Variants in ZC3H18 observed in about 807,000 individuals in gnomAD.
The protein encoded by ZC3H18 is zinc finger CCCH domain-containing protein 18.
ZC3H18 carries 8 observed loss-of-function variants against 106.1 expected under a neutral mutation model. The ratio of observed to expected loss-of-function variants is 0.08; its 90% confidence interval spans 0.04 to 0.14. The LOEUF (loss-of-function observed/expected upper bound fraction) is 0.14, where lower values mean the gene tolerates loss of function less well. Among genes scored for constraint, ZC3H18 ranks in the 10% least tolerant of loss-of-function variants. The probability of loss-of-function intolerance (pLI) is 1.00; values close to 1 mark genes in which losing one functional copy is unlikely to be tolerated. For synonymous variants in ZC3H18, 635 were observed against 522.1 expected, an observed-to-expected ratio of 1.22 and a Z score of -2.95; for missense variants, 1,318 against 1,278.4, an observed-to-expected ratio of 1.03 and a Z score of -0.47.
intron 6 of ZC3H18, among the ~76,000 whole-genome samples, chr16:88,600,715 T>C (rs1047182867): frequency 6.6e-6 from 1 of 152,220 alleles, no homozygotes; most frequent in Non-Finnish European, 1.5e-5. Flanking sequence ...ACCCAGCCCC[T>C]TTATGCCTGG....
At chr16:88,591,706 G>T (rs1915761751) in intron 3 of ZC3H18, among the ~76,000 whole-genome samples, 1 of 152,270 alleles carries the variant, frequency 6.6e-6, no homozygotes, top group Non-Finnish European at 1.5e-5. Flanking sequence ...GTGAACGTGG[G>T]CGTAAAAATC....
At chr16:88,623,505 C>G (rs758965286) in intron 10 of ZC3H18, 161 bp downstream of exon 10, 2 of 941,298 alleles carry the variant, frequency 2.1e-6, no homozygotes, top group Non-Finnish European at 3.1e-6. Flanking sequence ...GTGTCCCCCA[C>G]CAAACACCAG....
In ZC3H18 at chr16:88,599,782, C is replaced by T. The variant is rs770808601; in HGVS notation, c.931-9C>T. ...TTCCATGTTGACTTCTTTCTTCTTA[C>T]AATGGTAGGTTTTAAAAAAAGCAAC... is the stretch of plus-strand genomic sequence containing the variant. On this transcript the variant is annotated splice_polypyrimidine_tract_variant and intron_variant, in intron 5 of 17. Coordinates refer to ENST00000301011, the MANE Select transcript of ZC3H18 (RefSeq NM_144604.4). 3.1e-6 allele frequency: 5 copies of T among 1,603,694 alleles called. No individual in the cohort carries two copies. The highest frequency in any genetic ancestry group is 4.2e-6 in the Non-Finnish European group (5 of 1,176,716).
At chr16:88,611,044 G>A (rs931512742) in intron 7 of ZC3H18, among the ~76,000 whole-genome samples, 7 of 152,338 alleles carry the variant, frequency 4.6e-5, no homozygotes, top group Admixed American at 2.0e-4. Context: ...ATCCCCACTT[G>A]AGGGTGCTCC....
At chr16:88,629,065 G>A (rs1338498472) in intron 16 of ZC3H18, among the ~76,000 whole-genome samples, 3 of 152,280 alleles carry the variant, frequency 2.0e-5, no homozygotes, top group African/African-American at 7.2e-5. Flanking sequence ...AGGACCGGGC[G>A]TGGTGGCTCA....
intron 2 of ZC3H18, among the ~76,000 whole-genome samples, chr16:88,584,986 C>G (rs181632555): frequency 6.6e-6 from 1 of 152,324 alleles, no homozygotes; most frequent in Admixed American, 6.5e-5. Flanking sequence ...AATGTGTTCT[C>G]CACTTAGATT....
chr16:88,599,906 G>T lies in ZC3H18; in HGVS notation c.1046G>T (p.Arg349Leu). Reference sequence around the variant, plus strand: ...TTTGACAAAGAAAATGAAGTTTTTCGAGATTGGAATTCTCGGATCCCGAGA... The same window carrying T: ...TTTGACAAAGAAAATGAAGTTTTTCTAGATTGGAATTCTCGGATCCCGAGA... ...REFDKENEVFRDWNSRIPRDV... is the reference protein window; with the variant it reads ...REFDKENEVFLDWNSRIPRDV... Residue 349 changes from arginine to leucine, a missense_variant, in exon 6 of 18, where the codon CGA becomes CTA. Around this residue, in one of 6 missense-constraint regions of ZC3H18, gnomAD observed 848 missense variants for 821.7 expected, o/e 1.03. Transcript: ENST00000301011. The T allele has an allele frequency of 6.2e-7, 1 of 1,614,198 alleles. No homozygotes were observed. Among genetic ancestry groups the T allele is most frequent in the Non-Finnish European group, 8.5e-7 (1 of 1,180,030 alleles).
chr16:88,573,529 G>A (rs900585784), intron 1 of ZC3H18, among the ~76,000 whole-genome samples: 1 of 151,936 alleles, frequency 6.6e-6, no homozygotes, highest in Non-Finnish European at 1.5e-5. Flanking sequence ...GATACTGTTT[G>A]GGGATCAGCT....
chr16:88,571,620 C>T (rs2091093741), intron 1 of ZC3H18: 3 of 985,378 alleles, frequency 3.0e-6, no homozygotes, highest in Non-Finnish European at 3.6e-6. Context: ...GTAGGTGGGA[C>T]ATGCTGAAAT....
At chr16:88,590,560 A>G (rs375917891) in intron 3 of ZC3H18, among the ~76,000 whole-genome samples, 2 of 24,118 alleles carry the variant, frequency 8.3e-5, no homozygotes, top group East Asian at 2.6e-3. Context: ...GGGTTTCTTT[A>G]TTTCTTTTTT....
At chr16:88,622,792 G>A (rs1191454928) in intron 9 of ZC3H18, 11 of 277,824 alleles carry the variant, frequency 4.0e-5, no homozygotes, top group East Asian at 9.8e-5. Flanking sequence ...CCCGGCTCCC[G>A]AGTGAGGGAT....
intron 9 of ZC3H18, 90 bp downstream of exon 9, chr16:88,622,478 C>T: frequency 7.2e-7 from 1 of 1,384,788 alleles, no homozygotes; most frequent in East Asian, 2.5e-5. Context: ...TGGGGAACAC[C>T]CCAGCCCCAC....
Position 88,599,910 on chromosome 16 carries a change from T to C in ZC3H18, c.1050T>C (p.Asp350=), listed in dbSNP as rs554998731. The C allele has an allele frequency of 8.7e-6, 14 of 1,614,154 alleles. No homozygotes were observed. Among genetic ancestry groups the C allele is most frequent in the Middle Eastern group, 3.3e-4 (2 of 6,062 alleles). ...EFDKENEVFR[D]WNSRIPRDVR... ...ACAAAGAAAATGAAGTTTTTCGAGA[T>C]TGGAATTCTCGGATCCCGAGAGATG... The change falls in exon 6 of 18, where the codon GAT becomes GAC. Residue 350 remains aspartate, a synonymous_variant. Transcript: ENST00000301011.
Position 88,586,352 on chromosome 16 carries a change from G to T in ZC3H18, c.604-248G>T, listed in dbSNP as rs78274031. On this transcript the variant is annotated intron_variant, in intron 2 of 17. Transcript: ENST00000301011. ...GAGAAATGTCACGAAAGCCCACTCT[G>T]TAAATTGCCCTGTGTGCTGCACAGT... 8.6e-3 allele frequency among the ~76,000 whole-genome samples: 1,304 copies of T among 152,338 alleles called. 43 individuals are homozygous for T. In the East Asian group the frequency reaches 0.11, roughly 13 times the overall value.
intron 1 of ZC3H18, among the ~76,000 whole-genome samples, chr16:88,574,667 ATTTTTT>A (rs35816940): frequency 2.9e-3 from 229 of 79,854 alleles, no homozygotes; most frequent in African/African-American, 0.013. Context: ...CACCCAGCTA[ATTTTTT>A]TTTTTTTTTT....
chr16:88,589,951 A>G (rs893848846), intron 3 of ZC3H18, among the ~76,000 whole-genome samples: 1 of 152,238 alleles, frequency 6.6e-6, no homozygotes, highest in South Asian at 2.1e-4. Flanking sequence ...ATTTTATGTT[A>G]TGTGAATTGT....
chr16:88,609,326 C>G (rs1905163646), intron 7 of ZC3H18: 2 of 242,008 alleles, frequency 8.3e-6, no homozygotes, highest in African/African-American at 4.6e-5. Context: ...GAGATAGGGT[C>G]CCACTCTGTC....
At chr16:88,596,810 C>G (rs1741204461) in intron 3 of ZC3H18, among the ~76,000 whole-genome samples, 1 of 152,224 alleles carries the variant, frequency 6.6e-6, no homozygotes, top group African/African-American at 2.4e-5. Flanking sequence ...ATGAAGAGCT[C>G]TGTAGTGTGT....
At position 88,631,535 on chromosome 16, in the gene ZC3H18, A is replaced by C. The variant is rs1484804016; in HGVS notation, c.*236A>C. 1.6e-6 allele frequency: 1 copy of C among 635,388 alleles called. No individual in the cohort carries two copies. 39.4% of individuals were successfully genotyped at this position (635,388 alleles called of 1,614,324 possible). A position where few individuals can be genotyped will look rare whatever the true frequency, so the allele number is the denominator to read the frequency against. ...ACAGACACAGACAGCGCTAGTGACC[A>C]GCACGGTTCTCATGTAAATTACAAG... On this transcript the variant is annotated 3_prime_UTR_variant, in exon 18 of 18. Coordinates refer to ENST00000301011, the MANE Select transcript of ZC3H18 (RefSeq NM_144604.4).
Sources: gnomAD v4.1 joint callset for allele counts (sites outside exome capture counted in the v4.1 genomes callset) on GRCh38, gnomAD v4.1.1 for gene constraint, gnomAD v4.1.1 regional missense constraint, MANE v1.5 for transcripts, NCBI Gene and HGNC (gene_info 2026-07-23, HGNC 2026-07-21) for gene names.